TRAPPC8: variants seen among roughly 807,000 people sequenced by gnomAD.
TRAPPC8 encodes the protein general sporulation gene 1 homolog.
In TRAPPC8, 54 loss-of-function variants were observed where a neutral mutation model predicts 174.3. That is an observed-to-expected ratio of 0.31 (90% CI 0.25 to 0.39). TRAPPC8 has a LOEUF of 0.39. Ranked by LOEUF, TRAPPC8 falls within the 10% of genes least tolerant of loss-of-function variation. The probability of loss-of-function intolerance (pLI) is 1.00; values close to 1 mark genes in which losing one functional copy is unlikely to be tolerated. For synonymous variants in TRAPPC8, 630 were observed against 579.9 expected, an observed-to-expected ratio of 1.09 and a Z score of -1.24; for missense variants, 1,531 against 1,699.1, an observed-to-expected ratio of 0.90 and a Z score of 1.74.
chr18:31,877,796 G>A (rs2035233682), intron 12 of TRAPPC8, among the ~76,000 whole-genome samples: 1 of 151,660 alleles, frequency 6.6e-6, no homozygotes, highest in African/African-American at 2.4e-5. Context: ...GGTGGCGCGT[G>A]CCTGTAATCC....
At chr18:31,911,450 CAA>C (rs57267028) in intron 5 of TRAPPC8, among the ~76,000 whole-genome samples, 6 of 110,362 alleles carry the variant, frequency 5.4e-5, no homozygotes, top group Admixed American at 1.0e-4. Flanking sequence ...GACTCCGTCT[CAA>C]AAAAAAAAAA....
chr18:31,848,449 C>G (rs545464029), intron 25 of TRAPPC8, among the ~76,000 whole-genome samples: 49 of 152,304 alleles, frequency 3.2e-4, no homozygotes, highest in Middle Eastern at 3.4e-3. Flanking sequence ...GATCGTTATA[C>G]ACTTATATAA....
chr18:31,839,656 TA>T (rs2032980257), intron 26 of TRAPPC8, among the ~76,000 whole-genome samples, 199 bp from the exon 27 acceptor site: 1 of 152,244 alleles, frequency 6.6e-6, no homozygotes, highest in South Asian at 2.1e-4. Context: ...TGGAATCATT[TA>T]TTCATTCCTC....
At chr18:31,922,948 C>T (rs139401312) in intron 2 of TRAPPC8, among the ~76,000 whole-genome samples, 63 of 152,198 alleles carry the variant, frequency 4.1e-4, no homozygotes, top group African/African-American at 1.5e-3. Context: ...GCCCAGGAGG[C>T]AGAGGTTGCA....
At position 31,866,977 on chromosome 18, in the gene TRAPPC8, T is replaced by G; in HGVS notation, c.2464-2A>C. The G allele has an allele frequency of 6.2e-7, 1 of 1,612,728 alleles. No homozygotes were observed. The highest frequency in any genetic ancestry group is 8.5e-7 in the Non-Finnish European group (1 of 1,179,346). On this transcript the variant is annotated splice_acceptor_variant, in intron 17 of 28. Coordinates refer to ENST00000283351, the MANE Select transcript of TRAPPC8 (RefSeq NM_014939.5). LOFTEE classifies it high-confidence loss of function. ...ATGGGGAAAGAGCTTTAGTCTTGCC[T>G]GTGGAGATATTTAAGTCAGTCTTAT...
chr18:31,875,411 AGCCT>A (rs140528791), intron 12 of TRAPPC8, among the ~76,000 whole-genome samples: 10 of 151,390 alleles, frequency 6.6e-5, no homozygotes, highest in Admixed American at 2.0e-4. Flanking sequence ...TGCTGATCCC[AGCCT>A]GCCTGCCTGC....
chr18:31,858,686 C>T (rs865900607), intron 19 of TRAPPC8, among the ~76,000 whole-genome samples: 36 of 152,216 alleles, frequency 2.4e-4, no homozygotes, highest in African/African-American at 6.8e-4. Flanking sequence ...TGATTTCCAA[C>T]ACACATGTGG....
Position 31,835,693 on chromosome 18 carries a change from G to A in TRAPPC8, c.3984-3520C>T, listed in dbSNP as rs140641493. Among the ~76,000 whole-genome samples the A allele has an allele frequency of 2.3e-3, 343 of 152,154 alleles. 1 individual carries two copies. Among genetic ancestry groups the A allele is most frequent in the Middle Eastern group, 0.02 (6 of 294 alleles). On this transcript the variant is annotated intron_variant, in intron 27 of 28. Transcript: ENST00000283351. ...TTCATTTCAATGGTTCTCAACCTTG[G>A]TTACTGTGGTAACTGTGAGTACTGC... is the stretch of plus-strand genomic sequence containing the variant.
intron 2 of TRAPPC8, among the ~76,000 whole-genome samples, chr18:31,924,567 C>G (rs1379978225): frequency 6.6e-6 from 1 of 151,628 alleles, no homozygotes; most frequent in African/African-American, 2.4e-5. Context: ...TCAAGACCAG[C>G]CTGGCCAACA....
intron 1 of TRAPPC8, among the ~76,000 whole-genome samples, chr18:31,938,343 T>C (rs1172834770): frequency 2.6e-5 from 4 of 151,406 alleles, no homozygotes; most frequent in African/African-American, 4.8e-5. Flanking sequence ...AAAATACATA[T>C]AATAAATTTA....
At chr18:31,908,470 CT>C in intron 7 of TRAPPC8, 52 bp from the exon 8 acceptor site, 1 of 1,266,288 alleles carries the variant, frequency 7.9e-7, no homozygotes, top group Non-Finnish European at 1.1e-6. Flanking sequence ...AGTATTTTTC[CT>C]TTACATAAAA....
chr18:31,890,907 G>A (rs200734514), intron 11 of TRAPPC8, 41 bp from the exon 12 acceptor site: 4 of 1,553,216 alleles, frequency 2.6e-6, no homozygotes, highest in African/African-American at 2.8e-5. Flanking sequence ...GTTTCACCAA[G>A]TTAAAAGTAA....
At chr18:31,897,954 G>T in intron 10 of TRAPPC8, 63 bp from the exon 11 acceptor site, 1 of 1,390,168 alleles carries the variant, frequency 7.2e-7, no homozygotes, top group Non-Finnish European at 9.9e-7. Flanking sequence ...CAAAGTAAAT[G>T]TGTTCAGCAA....
intron 26 of TRAPPC8, chr18:31,845,201 T>TAAATA (rs937941582): frequency 1.4e-5 from 2 of 146,984 alleles, no homozygotes. Flanking sequence ...AATAAATAAA[T>TAAATA]AAATAAAATA....
At chr18:31,905,349 GGC>G (rs984689336) in intron 9 of TRAPPC8, among the ~76,000 whole-genome samples, 15 of 152,150 alleles carry the variant, frequency 9.9e-5, no homozygotes, top group African/African-American at 3.6e-4. Context: ...TGCACAGAAA[GGC>G]GCTCTTTCAG....
At chr18:31,922,241 TACAGACATAC>T (rs1306564694) in intron 2 of TRAPPC8, among the ~76,000 whole-genome samples, 1 of 152,196 alleles carries the variant, frequency 6.6e-6, no homozygotes, top group Non-Finnish European at 1.5e-5. Flanking sequence ...TACATACACA[TACAGACATAC>T]ACAGACATAC....
At chr18:31,850,743 G>A (rs989169396) in intron 24 of TRAPPC8, among the ~76,000 whole-genome samples, 3 of 152,090 alleles carry the variant, frequency 2.0e-5, no homozygotes, top group Non-Finnish European at 4.4e-5. Flanking sequence ...TTAATCTGTA[G>A]TGCTTGGCAA....
At chr18:31,925,053 G>C (rs1440494284) in intron 2 of TRAPPC8, among the ~76,000 whole-genome samples, 1 of 151,684 alleles carries the variant, frequency 6.6e-6, no homozygotes, top group Non-Finnish European at 1.5e-5. Flanking sequence ...ATAAAAATTG[G>C]GCAACCCTTA....
At position 31,913,500 on chromosome 18, in the gene TRAPPC8, T is replaced by C; in HGVS notation, c.640A>G (p.Met214Val). 6.3e-7 allele frequency: 1 copy of C among 1,596,796 alleles called. No individual in the cohort carries two copies. Among genetic ancestry groups the C allele is most frequent in the Non-Finnish European group, 8.5e-7 (1 of 1,175,606 alleles). The change falls in exon 5 of 29, where the codon ATG (methionine) becomes GTG (valine). Residue 214 changes from methionine to valine, a missense_variant. Transcript: ENST00000283351. The stretch of plus-strand genomic sequence containing the variant: ...CCCTGAGTTCCATATTTCTGTTTCA[T>C]TTCTTCATAAATTGATTCAGCTCTA... ...EQRAESIYEE[M>V]KQKYGTQGCY...
Sources: gnomAD v4.1 joint callset for allele counts (sites outside exome capture counted in the v4.1 genomes callset) on GRCh38, gnomAD v4.1.1 for gene constraint, MANE v1.5 for transcripts, NCBI Gene and HGNC (gene_info 2026-07-23, HGNC 2026-07-21) for gene names.